CSMD3: variants seen among roughly 807,000 people sequenced by gnomAD.
CSMD3 encodes the protein CUB and sushi domain-containing protein 3.
CSMD3 carries 177 observed loss-of-function variants against 435.2 expected under a neutral mutation model. The observed-to-expected ratio is 0.41, with a 90% CI of 0.36 to 0.46. CSMD3 has a LOEUF of 0.46. CSMD3 is among the 20% of genes least tolerant of loss of function. The pLI is 0.34. For missense variants in CSMD3, 4,265 were observed against 4,504.6 expected, an observed-to-expected ratio of 0.95 and a Z score of 1.52; for synonymous variants, 1,656 against 1,520.5, an observed-to-expected ratio of 1.09 and a Z score of -2.07.
In CSMD3 at chr8:112,224,944, C is replaced by T. The variant is rs565021542; in HGVS notation, c.10965-14G>A. 3 of 1,612,998 alleles carry T rather than the reference C, an allele frequency of 1.9e-6. No homozygotes were observed. Among genetic ancestry groups the T allele is most frequent in the African/African-American group, 2.7e-5 (2 of 74,992 alleles). ...TTAGGTGCAGTCCTGTTGATGAGAA[C>T]ATTGATTAGCTATGTGTTAACTTTC... is the stretch of plus-strand genomic sequence containing the variant. On this transcript the variant is annotated splice_polypyrimidine_tract_variant and intron_variant, in intron 70 of 70. Coordinates refer to ENST00000297405, the MANE Select transcript of CSMD3 (RefSeq NM_198123.2).
chr8:112,519,846 T>C (rs1271015767), intron 27 of CSMD3, among the ~76,000 whole-genome samples: 1 of 152,112 alleles, frequency 6.6e-6, no homozygotes. Context: ...AGGGACATTT[T>C]TGAAATAAAA....
chr8:113,281,713 G>C (rs2093614260), intron 2 of CSMD3, among the ~76,000 whole-genome samples: 1 of 151,748 alleles, frequency 6.6e-6, no homozygotes, highest in African/African-American at 2.4e-5. Context: ...TTTGTTGCCT[G>C]TGTACTTTGT....
chr8:112,746,095 A>G (rs1283055117), intron 13 of CSMD3, among the ~76,000 whole-genome samples: 2 of 152,184 alleles, frequency 1.3e-5, no homozygotes, highest in African/African-American at 4.8e-5. Flanking sequence ...CCTTGCAACT[A>G]TAGTTTTATA....
At chr8:113,217,570 A>G (rs2092919330) in intron 3 of CSMD3, among the ~76,000 whole-genome samples, 1 of 151,766 alleles carries the variant, frequency 6.6e-6, no homozygotes, top group African/African-American at 2.4e-5. Context: ...TCTGAAATGA[A>G]TAATTTATTA....
Position 112,551,593 on chromosome 8 carries a change from G to A in CSMD3, c.4362-720C>T, listed in dbSNP as rs148872826. Among the ~76,000 whole-genome samples, 170 of 152,074 alleles carry A rather than the reference G, an allele frequency of 1.1e-3. 1 individual carries two copies. The highest frequency in any genetic ancestry group is 3.9e-3 in the African/African-American group (163 of 41,512). On this transcript the variant is annotated intron_variant, in intron 26 of 70. Transcript: ENST00000297405. ...TAATGTTTAATTTTTAGAAATTGCA[G>A]AAATCTGGTGAATTTATTACTTTCA...
chr8:112,661,864 C>T (rs1173340750), intron 17 of CSMD3, among the ~76,000 whole-genome samples: 1 of 151,856 alleles, frequency 6.6e-6, no homozygotes, highest in Non-Finnish European at 1.5e-5. Flanking sequence ...AGGCAAGATC[C>T]ATTCCTACTC....
At chr8:112,346,454 T>C (rs539112498) in intron 40 of CSMD3, among the ~76,000 whole-genome samples, 56 of 152,232 alleles carry the variant, frequency 3.7e-4, no homozygotes, top group Admixed American at 3.5e-3. Flanking sequence ...AAATCAATTA[T>C]TGCATAAAAG....
chr8:112,368,199 C>A (rs951943788), intron 38 of CSMD3, among the ~76,000 whole-genome samples: 2 of 152,116 alleles, frequency 1.3e-5, no homozygotes, highest in Admixed American at 6.6e-5. Context: ...ATTCTTTTGA[C>A]TTTTGATGAG....
chr8:113,299,318 C>T (rs148341381), intron 2 of CSMD3, among the ~76,000 whole-genome samples: 238 of 151,920 alleles, frequency 1.6e-3, no homozygotes, highest in African/African-American at 5.6e-3. Flanking sequence ...TTTTGCTGCT[C>T]ATGCTTATTT....
intron 4 of CSMD3, among the ~76,000 whole-genome samples, chr8:113,122,051 C>T (rs954722187): frequency 6.6e-6 from 1 of 152,064 alleles, no homozygotes; most frequent in African/African-American, 2.4e-5. Flanking sequence ...CAAGAAAATA[C>T]ATCATTTCAA....
intron 16 of CSMD3, among the ~76,000 whole-genome samples, chr8:112,678,987 A>T (rs1488951885): frequency 6.6e-6 from 1 of 151,866 alleles, no homozygotes; most frequent in African/African-American, 2.4e-5. Flanking sequence ...GACTGTCTAC[A>T]GAAAAAAGGA....
chr8:113,282,908 T>C (rs999076502), intron 2 of CSMD3, among the ~76,000 whole-genome samples: 1 of 151,940 alleles, frequency 6.6e-6, no homozygotes, highest in Non-Finnish European at 1.5e-5. Context: ...TGGAACAGAA[T>C]AGAGAACCCA....
At chr8:113,297,889 T>C (rs754269261) in intron 2 of CSMD3, among the ~76,000 whole-genome samples, 1 of 152,094 alleles carries the variant, frequency 6.6e-6, no homozygotes, top group Non-Finnish European at 1.5e-5. Context: ...CGAAATCTTG[T>C]AGAAAAATAT....
At chr8:112,998,632 A>G (rs2085743170) in intron 6 of CSMD3, among the ~76,000 whole-genome samples, 1 of 151,920 alleles carries the variant, frequency 6.6e-6, no homozygotes, top group South Asian at 2.1e-4. Context: ...CCTAAATTTC[A>G]TCACTGCAAT....
chr8:113,044,845 A>C (rs2131301853), intron 5 of CSMD3, among the ~76,000 whole-genome samples: 1 of 149,260 alleles, frequency 6.7e-6, no homozygotes, highest in East Asian at 1.9e-4. Context: ...CTGAAAAGAT[A>C]AAGTATAGAA....
At chr8:113,306,280 G>A (rs2093820638) in intron 2 of CSMD3, among the ~76,000 whole-genome samples, 1 of 152,120 alleles carries the variant, frequency 6.6e-6, no homozygotes, top group African/African-American at 2.4e-5. Flanking sequence ...ATATAAGAGA[G>A]AGAATCAGTA....
At chr8:112,994,189 T>A (rs1488599905) in intron 6 of CSMD3, among the ~76,000 whole-genome samples, 1 of 151,806 alleles carries the variant, frequency 6.6e-6, no homozygotes, top group Non-Finnish European at 1.5e-5. Context: ...CTTCTAAATA[T>A]CAGTTAAAGA....
chr8:113,228,558 A>C (rs1189402484), intron 3 of CSMD3, among the ~76,000 whole-genome samples: 4 of 151,396 alleles, frequency 2.6e-5, no homozygotes, highest in South Asian at 2.1e-4. Context: ...CCCCTTTTAA[A>C]TACATTTCAT....
chr8:112,795,605 T>C (rs538560999), intron 13 of CSMD3, among the ~76,000 whole-genome samples: 2 of 152,154 alleles, frequency 1.3e-5, no homozygotes, highest in East Asian at 1.9e-4. Flanking sequence ...TGGCAAAAAT[T>C]ATAAGATTGA....
Sources: gnomAD v4.1 joint callset for allele counts (sites outside exome capture counted in the v4.1 genomes callset) on GRCh38, gnomAD v4.1.1 for gene constraint, MANE v1.5 for transcripts, NCBI Gene and HGNC (gene_info 2026-07-23, HGNC 2026-07-21) for gene names.